Variants in ADK observed in about 807,000 individuals in gnomAD.
ADK encodes adenosine kinase.
A neutral mutation model predicts 44.7 loss-of-function variants in ADK; 24 were observed. The observed-to-expected ratio is 0.54, with a 90% confidence interval of 0.39 to 0.76. The LOEUF (loss-of-function observed/expected upper bound fraction) is 0.76. Among genes scored for constraint, ADK ranks in the 30% least tolerant of loss-of-function variants. The pLI is 0.00. For synonymous variants in ADK, 128 were observed against 142.6 expected, an observed-to-expected ratio of 0.90 and a Z score of 0.73; for missense variants, 321 against 425.1, an observed-to-expected ratio of 0.76 and a Z score of 2.15.
At chr10:74,605,303 T>G (rs112806531) in intron 9 of ADK, among the ~76,000 whole-genome samples, 3,964 of 152,138 alleles carry the variant, frequency 0.026, 186 homozygotes, top group African/African-American at 0.09. Context: ...GGCGAGAGAG[T>G]GCATCCTTGT....
At chr10:74,536,641 C>T (rs1849460240) in intron 7 of ADK, among the ~76,000 whole-genome samples, 1 of 151,418 alleles carries the variant, frequency 6.6e-6, no homozygotes, top group African/African-American at 2.4e-5. Flanking sequence ...GCTCTGTACC[C>T]ATTAAACAAT....
intron 9 of ADK, among the ~76,000 whole-genome samples, chr10:74,601,340 G>A (rs1012749921): frequency 2.0e-5 from 3 of 152,070 alleles, no homozygotes; most frequent in Non-Finnish European, 4.4e-5. Context: ...TATAAAGCCT[G>A]AAATAGGCCA....
At chr10:74,625,883 T>C (rs1853180336) in intron 9 of ADK, among the ~76,000 whole-genome samples, 1 of 152,310 alleles carries the variant, frequency 6.6e-6, no homozygotes, top group South Asian at 2.1e-4. Context: ...AGATGGGATT[T>C]TATTAAGCAT....
chr10:74,228,322 G>A (rs745569691), intron 3 of ADK, among the ~76,000 whole-genome samples: 4 of 152,152 alleles, frequency 2.6e-5, no homozygotes, highest in Non-Finnish European at 4.4e-5. Flanking sequence ...ATTTTAAGTA[G>A]AGAAAGCTGA....
rs188876729 is a variant in ADK, at chr10:74,387,369, G to A, written c.274-6772G>A. ...AAATGAGGGTGATGGTTACCAGTCTGATTCCAAGATTTGAGAATTTTGCAG... is the reference window on the plus strand; with the variant it reads ...AAATGAGGGTGATGGTTACCAGTCTAATTCCAAGATTTGAGAATTTTGCAG... On this transcript the variant is annotated intron_variant, in intron 4 of 10. Coordinates refer to ENST00000539909, the MANE Select transcript of ADK (RefSeq NM_006721.4). 7.5e-4 allele frequency among the ~76,000 whole-genome samples: 114 copies of A among 152,290 alleles called. 1 individual carries two copies. Among genetic ancestry groups the A allele is most frequent in the African/African-American group, 2.6e-3 (110 of 41,560 alleles).
At chr10:74,662,111 A>G (rs1359624638) in intron 9 of ADK, among the ~76,000 whole-genome samples, 1 of 152,304 alleles carries the variant, frequency 6.6e-6, no homozygotes, top group Admixed American at 6.5e-5. Flanking sequence ...TACTTAATCC[A>G]TATAATAGTC....
chr10:74,577,150 G>GTGTGTGTGTGTGTA (rs796256860), intron 7 of ADK, among the ~76,000 whole-genome samples: 39 of 149,086 alleles, frequency 2.6e-4, no homozygotes, highest in African/African-American at 9.4e-4. Context: ...GTGTGTGTGT[G>GTGTGTGTGTGTGTA]TGTAGTCTAA....
intron 9 of ADK, among the ~76,000 whole-genome samples, chr10:74,622,922 G>A (rs562852530): frequency 3.9e-5 from 6 of 152,170 alleles, no homozygotes; most frequent in South Asian, 4.2e-4. Flanking sequence ...CAGGAGAATC[G>A]TTAGAACCCG....
intron 8 of ADK, among the ~76,000 whole-genome samples, chr10:74,599,752 A>G (rs532220507): frequency 7.1e-4 from 108 of 152,312 alleles, no homozygotes; most frequent in Middle Eastern, 3.4e-3. Flanking sequence ...TTTGACAATT[A>G]GTTTGTCATT....
intron 3 of ADK, among the ~76,000 whole-genome samples, chr10:74,302,231 C>T (rs1400854573): frequency 2.7e-5 from 4 of 146,644 alleles, no homozygotes; most frequent in Non-Finnish European, 1.5e-5. Flanking sequence ...CGGGTTCAAG[C>T]GATTCTTCCA....
chr10:74,634,461 G>A (rs956975432), intron 9 of ADK, among the ~76,000 whole-genome samples: 46 of 151,964 alleles, frequency 3.0e-4, no homozygotes, highest in African/African-American at 9.9e-4. Context: ...CTCGGGATCC[G>A]CCCGGCCTCC....
chr10:74,364,690 GTGTGT>G (rs1842444757), intron 4 of ADK, among the ~76,000 whole-genome samples: 1 of 5,580 alleles, frequency 1.8e-4, no homozygotes, highest in African/African-American at 4.7e-4. Context: ...AGGCTATGGT[GTGTGT>G]GTGTGTGTGT....
At chr10:74,254,467 C>CT (rs201813558) in intron 3 of ADK, among the ~76,000 whole-genome samples, 3 of 151,630 alleles carry the variant, frequency 2.0e-5, no homozygotes, top group African/African-American at 4.8e-5. Flanking sequence ...AGATATGCCT[C>CT]TTTTTTTTAT....
At chr10:74,320,763 A>T (rs1840781048) in intron 4 of ADK, among the ~76,000 whole-genome samples, 1 of 152,190 alleles carries the variant, frequency 6.6e-6, no homozygotes, top group Non-Finnish European at 1.5e-5. Flanking sequence ...TTTTTCTCTC[A>T]TCCTGAGAAA....
chr10:74,201,706 A>G (rs1446888964), intron 2 of ADK, among the ~76,000 whole-genome samples: 1 of 150,668 alleles, frequency 6.6e-6, no homozygotes, highest in African/African-American at 2.5e-5. Context: ...CTATCTATCT[A>G]TCTATCTATC....
chr10:74,706,097 G>T (rs550903106), intron 10 of ADK, among the ~76,000 whole-genome samples: 12 of 152,148 alleles, frequency 7.9e-5, no homozygotes, highest in African/African-American at 2.7e-4. Flanking sequence ...GCTTTGGGAG[G>T]CCAAGGCGGG....
chr10:74,169,305 A>G (rs1449253967), intron 1 of ADK, among the ~76,000 whole-genome samples: 1 of 152,210 alleles, frequency 6.6e-6, no homozygotes, highest in Non-Finnish European at 1.5e-5. Context: ...TGTACTTTCT[A>G]TATTTTTGTA....
chr10:74,249,757 A>C (rs1845576297), intron 3 of ADK, among the ~76,000 whole-genome samples: 1 of 152,196 alleles, frequency 6.6e-6, no homozygotes, highest in Non-Finnish European at 1.5e-5. Context: ...ACCAGAAATG[A>C]ATGAAAGGGT....
At chr10:74,223,538 T>A (rs901220513) in intron 2 of ADK, among the ~76,000 whole-genome samples, 2 of 152,156 alleles carry the variant, frequency 1.3e-5, no homozygotes, top group Admixed American at 6.6e-5. Context: ...TTCAGGCAGA[T>A]TAATTTTAAA....
Sources: gnomAD v4.1 joint callset for allele counts (sites outside exome capture counted in the v4.1 genomes callset) on GRCh38, gnomAD v4.1.1 for gene constraint, MANE v1.5 for transcripts, NCBI Gene and HGNC (gene_info 2026-07-23, HGNC 2026-07-21) for gene names.